The following PAPPA variants were observed in gnomAD, a reference collection of about 807,000 sequenced individuals.
The protein encoded by PAPPA is pappalysin 1.
Under a neutral mutation model 164.0 loss-of-function variants are expected in PAPPA, and 60 were observed. That is an observed-to-expected ratio of 0.37 (90% confidence interval 0.30 to 0.45). PAPPA has a LOEUF of 0.45. Among genes scored for constraint, PAPPA ranks in the 20% least tolerant of loss-of-function variants. The pLI, the probability that PAPPA is intolerant of heterozygous loss-of-function variation, is 1.00. For missense variants in PAPPA, 1,782 were observed against 2,087.3 expected, an observed-to-expected ratio of 0.85 and a Z score of 2.85; for synonymous variants, 875 against 814.1, an observed-to-expected ratio of 1.07 and a Z score of -1.27.
intron 1 of PAPPA, among the ~76,000 whole-genome samples, chr9:116,184,828 A>G (rs1044804111): frequency 6.6e-6 from 1 of 151,850 alleles, no homozygotes; most frequent in African/African-American, 2.4e-5. Flanking sequence ...TAAAATCCCT[A>G]CCCTTTCTCG....
At chr9:116,367,354 T>C (rs1846514428) in intron 18 of PAPPA, among the ~76,000 whole-genome samples, 1 of 152,162 alleles carries the variant, frequency 6.6e-6, no homozygotes. Context: ...TATTTTGTTC[T>C]GGATGTGGGG....
chr9:116,255,190 C>T (rs1052860515), intron 7 of PAPPA, among the ~76,000 whole-genome samples: 2 of 151,924 alleles, frequency 1.3e-5, no homozygotes, highest in Non-Finnish European at 2.9e-5. Flanking sequence ...TACTATATGG[C>T]TCACTAGGGT....
At chr9:116,191,035 A>T (rs1159771949) in intron 2 of PAPPA, among the ~76,000 whole-genome samples, 1 of 127,622 alleles carries the variant, frequency 7.8e-6, no homozygotes, top group Non-Finnish European at 1.7e-5. Flanking sequence ...GGAAGGAGGG[A>T]GGAAGGGAAG....
chr9:116,389,805 C>T (rs1461500258), intron 21 of PAPPA, among the ~76,000 whole-genome samples: 1 of 151,244 alleles, frequency 6.6e-6, no homozygotes, highest in African/African-American at 2.4e-5. Context: ...TTTGCTTTGC[C>T]TTCTGTTTTT....
At chr9:116,263,360 T>C (rs1845026327) in intron 7 of PAPPA, among the ~76,000 whole-genome samples, 1 of 151,892 alleles carries the variant, frequency 6.6e-6, no homozygotes, top group South Asian at 2.1e-4. Context: ...GCACTGGGGG[T>C]GTTCCAGCCA....
chr9:116,171,355 T>G (rs1843773818), intron 1 of PAPPA, among the ~76,000 whole-genome samples: 1 of 152,146 alleles, frequency 6.6e-6, no homozygotes, highest in Non-Finnish European at 1.5e-5. Flanking sequence ...ATTTTCGACA[T>G]CTACCTATCA....
intron 9 of PAPPA, among the ~76,000 whole-genome samples, chr9:116,284,230 G>A (rs1233127559): frequency 6.6e-6 from 1 of 152,180 alleles, no homozygotes; most frequent in Non-Finnish European, 1.5e-5. Flanking sequence ...GTCCCCGGAA[G>A]AGATTGAGCA....
chr9:116,359,639 A>G (rs2118618033), intron 17 of PAPPA, among the ~76,000 whole-genome samples: 1 of 152,370 alleles, frequency 6.6e-6, no homozygotes, highest in Middle Eastern at 3.4e-3. Flanking sequence ...TTCTGAATGC[A>G]CTAGCATCTA....
intron 7 of PAPPA, among the ~76,000 whole-genome samples, chr9:116,247,204 A>G (rs1260590585): frequency 6.6e-6 from 1 of 152,196 alleles, no homozygotes; most frequent in Non-Finnish European, 1.5e-5. Context: ...ATGGATTAAT[A>G]GTTTCATGAC....
chr9:116,239,662 C>G (rs567137334), intron 7 of PAPPA, among the ~76,000 whole-genome samples: 1 of 152,106 alleles, frequency 6.6e-6, no homozygotes, highest in Non-Finnish European at 1.5e-5. Context: ...AGCTTAAATT[C>G]AGAGAGTAAT....
chr9:116,289,352 T>TATATGCCATATATATAGCATAG (rs1845402726), intron 9 of PAPPA, among the ~76,000 whole-genome samples: 1 of 131,972 alleles, frequency 7.6e-6, no homozygotes, highest in Non-Finnish European at 1.6e-5. Context: ...ATATGGCATA[T>TATATGCCATATATATAGCATAG]ATATGGCATA....
chr9:116,294,673 C>T (rs947730567), intron 9 of PAPPA, among the ~76,000 whole-genome samples: 8 of 152,118 alleles, frequency 5.3e-5, no homozygotes, highest in South Asian at 2.1e-4. Context: ...ACAAAGATCA[C>T]GCTTTGTTGT....
chr9:116,200,434 C>G (rs76528223), intron 2 of PAPPA, among the ~76,000 whole-genome samples: 2,540 of 152,218 alleles, frequency 0.017, 60 homozygotes, highest in East Asian at 0.11. Flanking sequence ...GTTGTGTCCC[C>G]CCTCTGACAC....
At chr9:116,158,029 C>T (rs894214024) in intron 1 of PAPPA, among the ~76,000 whole-genome samples, 6 of 152,166 alleles carry the variant, frequency 3.9e-5, no homozygotes, top group Non-Finnish European at 7.3e-5. Flanking sequence ...ATGTGGACCC[C>T]ACAAGTACTG....
chr9:116,329,631 A>G (rs1845964787), intron 10 of PAPPA, among the ~76,000 whole-genome samples: 1 of 152,058 alleles, frequency 6.6e-6, no homozygotes, highest in Non-Finnish European at 1.5e-5. Context: ...TGGGCAATAT[A>G]TAGTTTTGCT....
intron 17 of PAPPA, among the ~76,000 whole-genome samples, chr9:116,361,102 C>T (rs756573542): frequency 8.5e-5 from 13 of 152,120 alleles, no homozygotes; most frequent in Non-Finnish European, 1.8e-4. Context: ...TGGTGGTGCT[C>T]TGGAGAGCAA....
At chr9:116,363,759 A>C (rs554538788) in intron 18 of PAPPA, among the ~76,000 whole-genome samples, 42 of 152,288 alleles carry the variant, frequency 2.8e-4, no homozygotes, top group African/African-American at 1.0e-3. Context: ...GCAAACAGAG[A>C]GTTATCACTG....
intron 19 of PAPPA, among the ~76,000 whole-genome samples, chr9:116,368,366 C>T (rs1260110563): frequency 6.6e-6 from 1 of 152,228 alleles, no homozygotes; most frequent in Non-Finnish European, 1.5e-5. Context: ...GGGTCATTGT[C>T]TGCATTTTCC....
intron 7 of PAPPA, among the ~76,000 whole-genome samples, chr9:116,247,746 C>A (rs1015892116): frequency 6.6e-6 from 1 of 151,958 alleles, no homozygotes; most frequent in African/African-American, 2.4e-5. Flanking sequence ...CACTGAGAAT[C>A]ATGAGGGCAG....
Sources: gnomAD v4.1 joint callset for allele counts (sites outside exome capture counted in the v4.1 genomes callset) on GRCh38, gnomAD v4.1.1 for gene constraint, MANE v1.5 for transcripts, NCBI Gene and HGNC (gene_info 2026-07-23, HGNC 2026-07-21) for gene names.